Variants in FSTL4 observed in about 807,000 individuals in gnomAD.
FSTL4 encodes the protein follistatin-related protein 4.
In FSTL4, 28 loss-of-function variants were observed where a neutral mutation model predicts 78.2. The observed-to-expected ratio is 0.36, with a 90% confidence interval of 0.27 to 0.49. The LOEUF is 0.49. Ranked by LOEUF, FSTL4 falls within the 20% of genes least tolerant of loss-of-function variation. The pLI is 0.98. For synonymous variants in FSTL4, 422 were observed against 440.5 expected, an observed-to-expected ratio of 0.96 and a Z score of 0.53; for missense variants, 922 against 1,084.9, an observed-to-expected ratio of 0.85 and a Z score of 2.11.
intron 4 of FSTL4, among the ~76,000 whole-genome samples, chr5:133,376,566 C>T (rs1379862869): frequency 6.6e-6 from 1 of 152,124 alleles, no homozygotes; most frequent in Non-Finnish European, 1.5e-5. Context: ...ACACTCCAAA[C>T]CCAACCGGTT....
chr5:133,795,861 G>A, the FSTL4 span, among the ~76,000 whole-genome samples: 1 of 152,232 alleles, frequency 6.6e-6, no homozygotes, highest in African/African-American at 2.4e-5. Context: ...CATGCCCAAA[G>A]CTTGGAGCCC....
the FSTL4 span, among the ~76,000 whole-genome samples, chr5:133,750,632 G>A: frequency 6.6e-6 from 1 of 152,132 alleles, no homozygotes; most frequent in African/African-American, 2.4e-5. Context: ...GGTACGAGAA[G>A]CCCACCTCCA....
chr5:133,223,598 C>T (rs1405503782), intron 11 of FSTL4, among the ~76,000 whole-genome samples: 1 of 152,216 alleles, frequency 6.6e-6, no homozygotes, highest in African/African-American at 2.4e-5. Flanking sequence ...AGCTCCCACA[C>T]ATGCCCACTA....
the FSTL4 span, among the ~76,000 whole-genome samples, chr5:133,744,726 T>C: frequency 6.6e-6 from 1 of 152,170 alleles, no homozygotes. Context: ...CAAGCAGGCA[T>C]GCACCGGACT....
rs1751300027 is a variant in FSTL4, at chr5:133,225,504, T to C, written c.1177+154A>G. On this transcript the variant is annotated intron_variant, in intron 9 of 15. Coordinates refer to ENST00000265342, the MANE Select transcript of FSTL4 (RefSeq NM_015082.2). This position sits in a 1 kb window ranked among gnomAD's most constrained non-coding sequence, Gnocchi z 4.6. ...CTGTCAGAAAGCCCCAAAAGATCTG[T>C]GTGAGCCCAGATAACAGGGAAATTT... Among the ~76,000 whole-genome samples the C allele has an allele frequency of 6.6e-6, 1 of 152,202 alleles. No individual in the cohort carries two copies. Among genetic ancestry groups the C allele is most frequent in the Non-Finnish European group, 1.5e-5 (1 of 68,028 alleles).
At chr5:133,717,884 A>C in the FSTL4 span, among the ~76,000 whole-genome samples, 1 of 152,226 alleles carries the variant, frequency 6.6e-6, no homozygotes, top group African/African-American at 2.4e-5. Context: ...ATGAACTTTC[A>C]TGCATACCTT....
At chr5:133,228,083 C>T (rs906487793) in intron 8 of FSTL4, among the ~76,000 whole-genome samples, 7 of 152,132 alleles carry the variant, frequency 4.6e-5, no homozygotes, top group East Asian at 1.9e-4. Context: ...AAACATTAGC[C>T]GGGTGTGGTG....
rs544620473 is a variant in FSTL4, at chr5:133,457,069, C to T, written c.161-56083G>A. ...AAATGCACTGGGTGGAATTTACAAC[C>T]TATAATTTTCTGTAACATTTTTCCT... On this transcript the variant is annotated intron_variant, in intron 3 of 15. Coordinates refer to ENST00000265342, the MANE Select transcript of FSTL4 (RefSeq NM_015082.2). Among the ~76,000 whole-genome samples the T allele has an allele frequency of 6.0e-5, 9 of 151,250 alleles. 1 individual carries two copies. In the South Asian group the frequency reaches 1.7e-3, roughly 28 times the overall value.
intron 4 of FSTL4, among the ~76,000 whole-genome samples, chr5:133,360,713 CTA>C (rs1297334197): frequency 6.6e-6 from 1 of 152,102 alleles, no homozygotes; most frequent in Non-Finnish European, 1.5e-5. Context: ...CATAGAAGGG[CTA>C]TGTTTTCAAC....
In FSTL4 at chr5:133,426,104, C is replaced by G. The variant is rs1331172734; in HGVS notation, c.161-25118G>C. ...GTCTTGACTTCCTCTGTAGCTTTCA[C>G]CTTCCTCATTGCCCCAACATCCCTG... On this transcript the variant is annotated intron_variant, in intron 3 of 15. Transcript: ENST00000265342. The surrounding 1 kb of genome is among the most constrained non-coding windows in gnomAD (Gnocchi z 5.0). Among the ~76,000 whole-genome samples, 2 of 152,202 alleles carry G rather than the reference C, an allele frequency of 1.3e-5. No homozygotes were observed. Among genetic ancestry groups the G allele is most frequent in the African/African-American group, 4.8e-5 (2 of 41,462 alleles).
intron 3 of FSTL4, among the ~76,000 whole-genome samples, chr5:133,448,936 T>C (rs1056676095): frequency 1.3e-5 from 2 of 152,200 alleles, no homozygotes; most frequent in African/African-American, 4.8e-5. Context: ...AGATGTTTAA[T>C]GGCGATTGAC....
At chr5:133,221,078 C>A in intron 11 of FSTL4, 2 of 657,826 alleles carry the variant, frequency 3.0e-6, no homozygotes, top group Non-Finnish European at 5.6e-6. Flanking sequence ...ATCAGTAAAG[C>A]ATGTCACAGG....
intron 4 of FSTL4, among the ~76,000 whole-genome samples, chr5:133,386,787 C>T (rs1274247444): frequency 6.6e-6 from 1 of 152,084 alleles, no homozygotes; most frequent in Non-Finnish European, 1.5e-5. Flanking sequence ...TCTTCCTGTG[C>T]AACGAAGCCC....
intron 3 of FSTL4, among the ~76,000 whole-genome samples, chr5:133,467,257 A>AGTGTGTGTGT (rs34838954): frequency 3.6e-4 from 50 of 139,254 alleles, no homozygotes; most frequent in African/African-American, 1.2e-3. Context: ...AGTATATGTG[A>AGTGTGTGTGT]GTGTGTGTGT....
At chr5:133,497,832 C>G (rs962247248) in intron 3 of FSTL4, among the ~76,000 whole-genome samples, 1 of 152,146 alleles carries the variant, frequency 6.6e-6, no homozygotes, top group African/African-American at 2.4e-5. Flanking sequence ...GTAGGAGATG[C>G]TCTCAAGAAA....
the FSTL4 span, among the ~76,000 whole-genome samples, chr5:133,669,474 A>G: frequency 2.6e-4 from 40 of 152,236 alleles, no homozygotes; most frequent in Non-Finnish European, 5.7e-4. Context: ...CAGGAAAATG[A>G]CATCCTTCAG....
chr5:133,499,186 G>A (rs1758435599), intron 3 of FSTL4, among the ~76,000 whole-genome samples: 1 of 152,044 alleles, frequency 6.6e-6, no homozygotes, highest in Non-Finnish European at 1.5e-5. Context: ...ACTACACACA[G>A]GAGATCTGCA....
chr5:133,832,010 G>A, the FSTL4 span, among the ~76,000 whole-genome samples: 1 of 152,184 alleles, frequency 6.6e-6, no homozygotes, highest in Non-Finnish European at 1.5e-5. Context: ...TCATGAGAGG[G>A]TTCTAAATCC....
chr5:133,225,665 G>A lies in FSTL4; in HGVS notation c.1170C>T (p.Ser390=). ...ACCAAGGGCAGTTCTTACCTAAAAGGGAGAGCTGTTTGGACATCTGAGTTG... is the reference window on the plus strand; with the variant it reads ...ACCAAGGGCAGTTCTTACCTAAAAGAGAGAGCTGTTTGGACATCTGAGTTG... The part of the protein sequence containing the change: ...DVSTQMSKQL[S]LLANGSELHI... The change falls in exon 9 of 16, where the codon TCC becomes TCT. Residue 390 remains serine, a synonymous_variant. Transcript: ENST00000265342. This position sits in a 1 kb window ranked among gnomAD's most constrained non-coding sequence, Gnocchi z 4.6. The A allele has an allele frequency of 6.3e-7, 1 of 1,593,284 alleles. No homozygotes were observed. The highest frequency in any genetic ancestry group is 8.5e-7 in the Non-Finnish European group (1 of 1,170,292).
Sources: gnomAD v4.1 joint callset for allele counts (sites outside exome capture counted in the v4.1 genomes callset) on GRCh38, gnomAD v4.1.1 for gene constraint, Gnocchi (gnomAD v3.1) non-coding constraint, MANE v1.5 for transcripts, NCBI Gene and HGNC (gene_info 2026-07-23, HGNC 2026-07-21) for gene names.